The following GLIS3 variants were observed in gnomAD, a reference collection of about 807,000 sequenced individuals.
The protein encoded by GLIS3 is GLIS family zinc finger 3.
In GLIS3, 53 loss-of-function variants were observed where a neutral mutation model predicts 78.6. The observed-to-expected ratio is 0.67, with a 90% CI of 0.54 to 0.85. GLIS3 has a LOEUF of 0.85. Among genes scored for constraint, GLIS3 ranks in the 40% least tolerant of loss-of-function variants. The pLI is 0.00. For missense variants in GLIS3, 1,703 were observed against 1,231.1 expected (o/e 1.38, Z -5.74); for synonymous variants, 684 against 509.9 (o/e 1.34, Z -4.60).
intron 2 of GLIS3, among the ~76,000 whole-genome samples, chr9:4,198,354 A>G (rs192533418): frequency 5.3e-5 from 8 of 152,328 alleles, no homozygotes; most frequent in Admixed American, 5.2e-4. Context: ...AATTCCTTAC[A>G]TGAGTTTCTA....
chr9:4,300,766 T>G (rs1817035388), upstream of GLIS3, among the ~76,000 whole-genome samples: 1 of 151,802 alleles, frequency 6.6e-6, no homozygotes, highest in African/African-American at 2.4e-5. Context: ...CCTCAAAAGG[T>G]TGTTACAAGA....
chr9:4,283,120 C>T (rs891613187), intron 2 of GLIS3, among the ~76,000 whole-genome samples: 1 of 143,280 alleles, frequency 7.0e-6, no homozygotes, highest in Non-Finnish European at 1.5e-5. Flanking sequence ...CACACACACA[C>T]AGGAATGCAC....
intron 2 of GLIS3, among the ~76,000 whole-genome samples, chr9:4,213,386 C>T (rs957541474): frequency 1.6e-4 from 25 of 152,114 alleles, no homozygotes; most frequent in Non-Finnish European, 2.8e-4. Flanking sequence ...TACTGTATCC[C>T]TTTGCAATGG....
intron 7 of GLIS3, among the ~76,000 whole-genome samples, chr9:3,892,376 C>G (rs968569284): frequency 6.6e-6 from 1 of 152,130 alleles, no homozygotes; most frequent in Non-Finnish European, 1.5e-5. Flanking sequence ...GAGTCACGGC[C>G]GGGGCACCTG....
At chr9:4,049,029 G>T (rs983198066) in intron 4 of GLIS3, among the ~76,000 whole-genome samples, 1 of 152,134 alleles carries the variant, frequency 6.6e-6, no homozygotes, top group Non-Finnish European at 1.5e-5. Context: ...CATACAGAGA[G>T]GGCTAAGAAC....
the GLIS3 span, among the ~76,000 whole-genome samples, chr9:4,397,247 G>C: frequency 6.8e-6 from 1 of 147,076 alleles, no homozygotes; most frequent in African/African-American, 2.6e-5. Flanking sequence ...GGATGGTCTC[G>C]ATCTCCTGAC....
the GLIS3 span, among the ~76,000 whole-genome samples, chr9:4,399,428 A>G: frequency 6.6e-6 from 1 of 152,242 alleles, no homozygotes; most frequent in Non-Finnish European, 1.5e-5. Context: ...AGATAGTTTC[A>G]TCCCCATTTA....
intron 1 of GLIS3, among the ~76,000 whole-genome samples, chr9:4,287,865 G>A (rs1437536209): frequency 2.0e-5 from 3 of 152,236 alleles, no homozygotes; most frequent in Admixed American, 1.3e-4. Flanking sequence ...TGCTGTGTGT[G>A]CCTATCTTGA....
At chr9:3,884,106 G>C (rs1016401666) in intron 7 of GLIS3, among the ~76,000 whole-genome samples, 3 of 152,188 alleles carry the variant, frequency 2.0e-5, no homozygotes, top group African/African-American at 7.2e-5. Context: ...GAGCATTCTA[G>C]GCTGGCACCT....
intron 9 of GLIS3, among the ~76,000 whole-genome samples, chr9:3,835,293 C>G (rs977234851): frequency 1.3e-5 from 2 of 152,154 alleles, no homozygotes; most frequent in African/African-American, 4.8e-5. Flanking sequence ...GATGACAACT[C>G]ATAGGTCCAG....
intron 9 of GLIS3, among the ~76,000 whole-genome samples, chr9:3,831,062 A>G (rs1250002421): frequency 6.6e-6 from 1 of 152,206 alleles, no homozygotes; most frequent in Non-Finnish European, 1.5e-5. Flanking sequence ...TCAAATGCAG[A>G]TTTATGGACA....
intron 2 of GLIS3, 33 bp from the exon 3 acceptor site, chr9:4,125,974 T>C: frequency 6.6e-7 from 1 of 1,514,294 alleles, no homozygotes; most frequent in South Asian, 1.1e-5. Context: ...AGCTTTCATG[T>C]CCCTTACATC....
intron 2 of GLIS3, among the ~76,000 whole-genome samples, chr9:4,274,835 T>C (rs1826840015): frequency 6.6e-6 from 1 of 152,090 alleles, no homozygotes; most frequent in Admixed American, 6.6e-5. Context: ...AGGTCTGGAG[T>C]GCCCTGTACA....
the GLIS3 span, among the ~76,000 whole-genome samples, chr9:4,353,618 C>A: frequency 1.3e-5 from 2 of 152,066 alleles, no homozygotes; most frequent in Non-Finnish European, 2.9e-5. Flanking sequence ...GGTCCAAAGT[C>A]AAGAAGTTAC....
chr9:4,367,633 C>CAA, the GLIS3 span, among the ~76,000 whole-genome samples: 3,801 of 61,132 alleles, frequency 0.062, 490 homozygotes, highest in Middle Eastern at 0.11. Context: ...GACTCCATCT[C>CAA]AAAAAAAAAA....
rs187501733 is a variant in GLIS3, at chr9:4,254,461, G to A, written c.388+31577C>T. Among the ~76,000 whole-genome samples the A allele has an allele frequency of 3.8e-3, 577 of 152,352 alleles. 3 individuals carry two copies. The highest frequency in any genetic ancestry group is 0.013 in the African/African-American group (549 of 41,584). On this transcript the variant is annotated intron_variant, in intron 2 of 10. Coordinates refer to ENST00000381971, the MANE Select transcript of GLIS3 (RefSeq NM_001042413.2). ...AGCAATTCCAATGAAAGTCCTGACAGTAAATACTGCCTTTATGGAAACAGA... is the reference window on the plus strand; with the variant it reads ...AGCAATTCCAATGAAAGTCCTGACAATAAATACTGCCTTTATGGAAACAGA...
intron 2 of GLIS3, among the ~76,000 whole-genome samples, chr9:4,208,705 C>G (rs548626508): frequency 6.6e-6 from 1 of 152,182 alleles, no homozygotes; most frequent in Non-Finnish European, 1.5e-5. Context: ...TGGTTGCTAG[C>G]GTTTAAAGAG....
intron 8 of GLIS3, among the ~76,000 whole-genome samples, chr9:3,871,529 C>A (rs1467950535): frequency 3.3e-5 from 5 of 152,214 alleles, no homozygotes; most frequent in Non-Finnish European, 7.3e-5. Flanking sequence ...CGTTCCCAAA[C>A]CTCAGTTCTT....
chr9:4,270,372 T>TATC (rs1261924701), intron 2 of GLIS3, among the ~76,000 whole-genome samples: 1 of 152,204 alleles, frequency 6.6e-6, no homozygotes, highest in African/African-American at 2.4e-5. Context: ...AATACACATT[T>TATC]ATCACCTCAG....
Sources: gnomAD v4.1 joint callset for allele counts (sites outside exome capture counted in the v4.1 genomes callset) on GRCh38, gnomAD v4.1.1 for gene constraint, MANE v1.5 for transcripts, NCBI Gene and HGNC (gene_info 2026-07-23, HGNC 2026-07-21) for gene names.